The following ANO6 variants were observed in gnomAD, a reference collection of about 807,000 sequenced individuals.
ANO6 encodes the protein anoctamin-6.
Under a neutral mutation model 117.5 loss-of-function variants are expected in ANO6, and 106 were observed. The observed-to-expected ratio is 0.90, with a 90% CI of 0.77 to 1.06. ANO6 has a LOEUF of 1.06. Ranked by LOEUF, ANO6 falls within the 50% of genes least tolerant of loss-of-function variation. The pLI, the probability that ANO6 is intolerant of heterozygous loss-of-function variation, is 0.00. For missense variants in ANO6, 955 were observed against 1,121.1 expected (o/e 0.85, Z 2.12); for synonymous variants, 367 against 385.1 (o/e 0.95, Z 0.55).
At chr12:45,405,324 T>G (rs1942903364) in intron 15 of ANO6, among the ~76,000 whole-genome samples, 1 of 152,236 alleles carries the variant, frequency 6.6e-6, no homozygotes, top group South Asian at 2.1e-4. Flanking sequence ...ACATTGGTTT[T>G]TAGCAGCTAT....
intron 2 of ANO6, among the ~76,000 whole-genome samples, chr12:45,317,809 C>T (rs1458061206): frequency 6.6e-6 from 1 of 152,166 alleles, no homozygotes; most frequent in Non-Finnish European, 1.5e-5. Context: ...TTAATGATCG[C>T]CATTCTAACT....
rs144325030 is a variant in ANO6 at position 45,396,698 on chromosome 12, G to T, written c.1387-5097G>T. ...TAACACCACACATCTACAACCATTT[G>T]ATCTTTGACAGACCTGACAAAAACA... On this transcript the variant is annotated intron_variant, in intron 12 of 19. Coordinates refer to ENST00000320560, the MANE Select transcript of ANO6 (RefSeq NM_001025356.3). Among the ~76,000 whole-genome samples, 1,421 of 152,268 alleles carry T rather than the reference G, an allele frequency of 9.3e-3. 26 individuals carry two copies. The highest frequency in any genetic ancestry group is 0.032 in the African/African-American group (1,338 of 41,548).
chr12:45,350,893 G>C, intron 7 of ANO6, 119 bp downstream of exon 7: 1 of 836,938 alleles, frequency 1.2e-6, no homozygotes, highest in Non-Finnish European at 2.0e-6. Flanking sequence ...CCAGAGTGCT[G>C]AGCTTCGTTG....
intron 1 of ANO6, among the ~76,000 whole-genome samples, chr12:45,235,798 C>CAA (rs1947636109): frequency 6.6e-6 from 1 of 152,216 alleles, no homozygotes; most frequent in Non-Finnish European, 1.5e-5. Context: ...TTCCCTCCCT[C>CAA]ACACTGACGG....
At chr12:45,238,492 A>T (rs1003507243) in intron 1 of ANO6, among the ~76,000 whole-genome samples, 2 of 152,102 alleles carry the variant, frequency 1.3e-5, no homozygotes, top group Admixed American at 1.3e-4. Context: ...TCATCTACAA[A>T]CAGGGACAGT....
At chr12:45,387,972 G>A (rs755130269) in intron 10 of ANO6, among the ~76,000 whole-genome samples, 189 bp from the exon 11 acceptor site, 5 of 151,996 alleles carry the variant, frequency 3.3e-5, no homozygotes, top group South Asian at 4.2e-4. Context: ...GTTTCCTGAG[G>A]CCTCCCCAGC....
chr12:45,333,213 G>T (rs549539958), intron 3 of ANO6, among the ~76,000 whole-genome samples: 1 of 151,938 alleles, frequency 6.6e-6, no homozygotes, highest in African/African-American at 2.4e-5. Context: ...TTTAATTCTT[G>T]TATCTTCCCA....
chr12:45,221,248 T>C (rs1474053517), intron 1 of ANO6, among the ~76,000 whole-genome samples: 5 of 152,218 alleles, frequency 3.3e-5, no homozygotes, highest in African/African-American at 1.2e-4. Context: ...GTTGATTGTA[T>C]TGAGAGTACA....
chr12:45,308,321 G>T (rs995569570), intron 2 of ANO6, among the ~76,000 whole-genome samples: 1 of 152,030 alleles, frequency 6.6e-6, no homozygotes, highest in Admixed American at 6.6e-5. Flanking sequence ...TTAGAAGTAA[G>T]AGGGAAGCCA....
At position 45,403,559 on chromosome 12, in the gene ANO6, A is replaced by G. The variant is rs377661636; in HGVS notation, c.1880+23A>G. 7.1e-5 allele frequency: 112 copies of G among 1,585,290 alleles called. 2 individuals are homozygous for G. The African/African-American group carries it at 1.4e-3, about 20-fold the overall frequency. On this transcript the variant is annotated intron_variant, in intron 15 of 19. Coordinates refer to ENST00000320560, the MANE Select transcript of ANO6 (RefSeq NM_001025356.3). ...GCCGTGAGTGTTAAATTGTATAGCC[A>G]TGGGTAAAAGGACAAGGGATAGAAC...
chr12:45,384,338 G>A (rs987824740), intron 10 of ANO6, among the ~76,000 whole-genome samples: 6 of 152,130 alleles, frequency 3.9e-5, no homozygotes, highest in African/African-American at 1.4e-4. Flanking sequence ...TGTCATTTGT[G>A]TGTTCACTGG....
At chr12:45,244,411 G>GT (rs1947793221) in intron 1 of ANO6, among the ~76,000 whole-genome samples, 1 of 149,240 alleles carries the variant, frequency 6.7e-6, no homozygotes, top group South Asian at 2.2e-4. Context: ...TTTGGGGGGG[G>GT]GGGGTGGTCT....
At position 45,302,043 on chromosome 12, in the gene ANO6, C is replaced by G; in HGVS notation, c.100C>G (p.Pro34Ala). Residue 34 changes from proline (P) to alanine (A), a missense_variant, in exon 2 of 20, where the codon CCC (proline) becomes GCC (alanine). By Grantham distance (27) the Pro-to-Ala change is conservative (BLOSUM62 -1). Transcript: ENST00000320560. ...VLENLGQTIV[P>A]DLGSLESQHD... The stretch of plus-strand genomic sequence containing the variant: ...GGAAAACCTTGGACAGACAATTGTC[C>G]CCGATTTGGGATCACTGGAAAGTCA... The G allele has an allele frequency of 2.5e-6, 4 of 1,613,854 alleles. No individual in the cohort carries two copies. The highest frequency in any genetic ancestry group is 3.4e-6 in the Non-Finnish European group (4 of 1,179,862).
intron 3 of ANO6, among the ~76,000 whole-genome samples, chr12:45,339,164 C>T (rs1425784332): frequency 6.6e-6 from 1 of 151,986 alleles, no homozygotes; most frequent in Non-Finnish European, 1.5e-5. Context: ...CATATATGCA[C>T]AGAAAAAGGT....
At chr12:45,384,662 A>G (rs1403064590) in intron 10 of ANO6, among the ~76,000 whole-genome samples, 2 of 152,232 alleles carry the variant, frequency 1.3e-5, no homozygotes, top group Non-Finnish European at 2.9e-5. Flanking sequence ...GCTGTCTTAC[A>G]TAGGTGGACT....
intron 9 of ANO6, among the ~76,000 whole-genome samples, chr12:45,370,979 G>T (rs1941811840): frequency 6.6e-6 from 1 of 152,228 alleles, no homozygotes; most frequent in Admixed American, 6.5e-5. Flanking sequence ...GTGCCAGACA[G>T]TGGGCGCAGG....
intron 1 of ANO6, among the ~76,000 whole-genome samples, chr12:45,237,850 C>T (rs893077677): frequency 6.6e-6 from 1 of 152,168 alleles, no homozygotes; most frequent in Non-Finnish European, 1.5e-5. Context: ...TTCTTCCTAC[C>T]CATGAGCATG....
At chr12:45,245,227 C>T (rs1038992040) in intron 1 of ANO6, among the ~76,000 whole-genome samples, 8 of 152,098 alleles carry the variant, frequency 5.3e-5, no homozygotes, top group Non-Finnish European at 7.3e-5. Flanking sequence ...TTCTGTAAGC[C>T]ACATAAATGA....
At chr12:45,276,297 C>G (rs1224246754) in intron 1 of ANO6, among the ~76,000 whole-genome samples, 1 of 152,176 alleles carries the variant, frequency 6.6e-6, no homozygotes, top group Non-Finnish European at 1.5e-5. Flanking sequence ...CTGGGTCTGT[C>G]GTTTCCACTC....
Sources: gnomAD v4.1 joint callset for allele counts (sites outside exome capture counted in the v4.1 genomes callset) on GRCh38, gnomAD v4.1.1 for gene constraint, MANE v1.5 for transcripts, NCBI Gene and HGNC (gene_info 2026-07-23, HGNC 2026-07-21) for gene names.